The following DPP4 variants were observed in gnomAD, a reference collection of about 807,000 sequenced individuals.
The protein encoded by DPP4 is dipeptidyl peptidase 4, also known as ADCP-2.
In DPP4, 93 loss-of-function variants were observed where a neutral mutation model predicts 122.4. The ratio of observed to expected loss-of-function variants is 0.76; its 90% confidence interval spans 0.64 to 0.90. DPP4 has a LOEUF of 0.90. DPP4 is among the 40% of genes least tolerant of loss of function. The pLI is 0.00. For missense variants in DPP4, 914 were observed against 907.3 expected (o/e 1.01, Z -0.09); for synonymous variants, 321 against 302.9 (o/e 1.06, Z -0.62).
intron 2 of DPP4, among the ~76,000 whole-genome samples, chr2:162,055,279 T>A (rs527244896): frequency 6.6e-6 from 1 of 152,338 alleles, no homozygotes; most frequent in African/African-American, 2.4e-5. Flanking sequence ...GTTTTCAGTA[T>A]GAAGGGAAAA....
chr2:162,061,625 T>C (rs893588262), intron 2 of DPP4, among the ~76,000 whole-genome samples: 4 of 152,202 alleles, frequency 2.6e-5, no homozygotes, highest in African/African-American at 7.2e-5. Flanking sequence ...GATTTAGTAC[T>C]GAGTGGTTTA....
intron 19 of DPP4, among the ~76,000 whole-genome samples, chr2:162,013,979 C>T (rs568558883): frequency 1.3e-5 from 2 of 152,150 alleles, no homozygotes; most frequent in South Asian, 2.1e-4. Flanking sequence ...AGAAAATAGC[C>T]GGCAGTAATA....
chr2:162,038,268 A>G (rs376046065), intron 8 of DPP4, 34 bp downstream of exon 8: 2 of 1,505,898 alleles, frequency 1.3e-6, no homozygotes, highest in Non-Finnish European at 1.8e-6. Flanking sequence ...AAGCTTATAG[A>G]TTTTCTGATT....
At chr2:162,045,687 G>T in intron 4 of DPP4, 75 bp from the exon 5 acceptor site, 1 of 1,070,406 alleles carries the variant, frequency 9.3e-7, no homozygotes, top group Non-Finnish European at 1.4e-6. Flanking sequence ...ACTTCATAGG[G>T]GGTACTGTTC....
chr2:162,067,193 G>A (rs1684976431), intron 2 of DPP4, among the ~76,000 whole-genome samples: 1 of 152,148 alleles, frequency 6.6e-6, no homozygotes, highest in South Asian at 2.1e-4. Context: ...AGAGAAATAA[G>A]AGTCATCCAT....
chr2:162,000,254 C>T (rs1156656072), intron 23 of DPP4, among the ~76,000 whole-genome samples: 1 of 152,048 alleles, frequency 6.6e-6, no homozygotes, highest in African/African-American at 2.4e-5. Context: ...TTTTGGGAAG[C>T]ACCATTAATA....
At position 162,008,277 on chromosome 2, in the gene DPP4, A is replaced by T. The variant is rs17848911; in HGVS notation, c.1987+285T>A. ...ACCCAAGAATCAAATCAGAGTAAAGATAAGGAATGATTTATCTGTAGAAAT... is the reference window on the plus strand; with the variant it reads ...ACCCAAGAATCAAATCAGAGTAAAGTTAAGGAATGATTTATCTGTAGAAAT... On this transcript the variant is annotated intron_variant, in intron 22 of 25. Coordinates refer to ENST00000360534, the MANE Select transcript of DPP4 (RefSeq NM_001935.4). Among the ~76,000 whole-genome samples the T allele has an allele frequency of 3.4e-4, 52 of 152,318 alleles. No individual in the cohort carries two copies. The East Asian group carries it at 9.8e-3, about 29-fold the overall frequency.
chr2:162,053,919 C>A (rs942650899), intron 2 of DPP4, among the ~76,000 whole-genome samples: 2 of 152,182 alleles, frequency 1.3e-5, no homozygotes, highest in Non-Finnish European at 2.9e-5. Context: ...ACCCTTGAGG[C>A]CCCACAACTG....
chr2:162,000,211 C>T (rs1021811609), intron 23 of DPP4, among the ~76,000 whole-genome samples: 7 of 152,076 alleles, frequency 4.6e-5, no homozygotes, highest in African/African-American at 1.7e-4. Context: ...CTACTTGTAA[C>T]CAAAGCTGCA....
intron 23 of DPP4, among the ~76,000 whole-genome samples, chr2:161,996,478 G>T (rs903593723): frequency 2.0e-5 from 3 of 152,158 alleles, no homozygotes; most frequent in Non-Finnish European, 2.9e-5. Context: ...GAACCTTGGT[G>T]GTCTGGCAGG....
At chr2:162,026,009 T>A (rs1312743497) in intron 10 of DPP4, among the ~76,000 whole-genome samples, 3 of 152,116 alleles carry the variant, frequency 2.0e-5, no homozygotes, top group Admixed American at 1.3e-4. Context: ...CAGGCACTAA[T>A]TATATGTCCG....
intron 2 of DPP4, among the ~76,000 whole-genome samples, chr2:162,059,107 G>T (rs1684672244): frequency 6.6e-6 from 1 of 152,178 alleles, no homozygotes; most frequent in Admixed American, 6.5e-5. Context: ...AGAAATGCAA[G>T]GCTGGAAGGA....
chr2:162,045,463 T>C, intron 5 of DPP4, 69 bp downstream of exon 5: 2 of 1,178,694 alleles, frequency 1.7e-6, no homozygotes, highest in Non-Finnish European at 2.5e-6. Context: ...TCCATACACT[T>C]GAAATCGGTT....
intron 9 of DPP4, among the ~76,000 whole-genome samples, chr2:162,034,300 T>C (rs1683686367): frequency 6.6e-6 from 1 of 152,200 alleles, no homozygotes; most frequent in Admixed American, 6.5e-5. Context: ...GAACACTTTA[T>C]GGAGTTTTTT....
At chr2:162,023,520 C>G in intron 11 of DPP4, among the ~76,000 whole-genome samples, 1 of 152,352 alleles carries the variant, frequency 6.6e-6, no homozygotes, top group East Asian at 1.9e-4. Flanking sequence ...GCTATTCACA[C>G]TGGATGCCTT....
At chr2:162,046,857 G>T in intron 4 of DPP4, 58 bp downstream of exon 4, 1 of 1,114,330 alleles carries the variant, frequency 9.0e-7, no homozygotes, top group Non-Finnish European at 1.4e-6. Context: ...TGATTCCAAA[G>T]GTAATGAAAA....
chr2:162,054,677 A>G (rs1358802750), intron 2 of DPP4, among the ~76,000 whole-genome samples: 1 of 152,174 alleles, frequency 6.6e-6, no homozygotes, highest in Non-Finnish European at 1.5e-5. Flanking sequence ...GTGAGAATGC[A>G]GCAAGAAGGC....
intron 22 of DPP4, among the ~76,000 whole-genome samples, chr2:162,007,626 C>T (rs942178628): frequency 6.6e-6 from 1 of 151,974 alleles, no homozygotes; most frequent in Non-Finnish European, 1.5e-5. Flanking sequence ...AAGATTTACT[C>T]CATTATTTTA....
At chr2:162,004,533 T>G (rs1043610384) in intron 23 of DPP4, among the ~76,000 whole-genome samples, 1 of 151,918 alleles carries the variant, frequency 6.6e-6, no homozygotes, top group Non-Finnish European at 1.5e-5. Flanking sequence ...GAAACAGACA[T>G]GAAAACCGTC....
Sources: allele counts gnomAD v4.1 joint callset (sites outside exome capture counted in the v4.1 genomes callset), GRCh38; gene constraint gnomAD v4.1.1; transcripts MANE v1.5; gene names NCBI Gene and HGNC (gene_info 2026-07-23, HGNC 2026-07-21).